CSMD2: variants seen among roughly 807,000 people sequenced by gnomAD.
The protein encoded by CSMD2 is CUB and Sushi multiple domains 2, also known as CUB and sushi domain-containing protein 2.
CSMD2 carries 130 observed loss-of-function variants against 398.5 expected under a neutral mutation model. That is an observed-to-expected ratio of 0.33 (90% CI 0.28 to 0.38). CSMD2 has a LOEUF of 0.38. CSMD2 is among the 10% of genes least tolerant of loss of function. The pLI is 1.00. For missense variants in CSMD2, 3,829 were observed against 4,764.9 expected (o/e 0.80, Z 5.78); for synonymous variants, 1,828 against 1,908.5 (o/e 0.96, Z 1.10).
chr1:33,550,252 G>A lies in CSMD2; in HGVS notation c.8842C>T (p.Arg2948Cys). Residue 2948 changes from arginine to cysteine, a missense_variant, in exon 56 of 71, where the codon CGT (arginine) becomes TGT (cysteine). This residue lies in a region of CSMD2 where 917 missense variants were observed against 1,199.5 expected (regional missense o/e 0.76). Coordinates refer to ENST00000373381, the MANE Select transcript of CSMD2 (RefSeq NM_001281956.2). Reference sequence around the variant, plus strand: ...CGGGTGCTGTTTCCCACCAGAGTACGCTTGCCGATGCAGCTGTACCGCACC... The same window carrying A: ...CGGGTGCTGTTTCCCACCAGAGTACACTTGCCGATGCAGCTGTACCGCACC... ...AVVRYSCIGK[R>C]TLVGNSTRMC... 8 of 1,614,214 alleles carry A rather than the reference G, an allele frequency of 5.0e-6. No homozygotes were observed. The highest frequency in any genetic ancestry group is 6.8e-6 in the Non-Finnish European group (8 of 1,180,044).
intron 5 of CSMD2, among the ~76,000 whole-genome samples, chr1:33,908,862 G>A (rs530004633): frequency 2.3e-4 from 35 of 152,224 alleles, no homozygotes; most frequent in Non-Finnish European, 1.3e-4. Context: ...TACAGGAGAC[G>A]AGATTTTAAA....
At chr1:33,801,606 G>C (rs1326108729) in intron 10 of CSMD2, among the ~76,000 whole-genome samples, 1 of 152,222 alleles carries the variant, frequency 6.6e-6, no homozygotes, top group Non-Finnish European at 1.5e-5. Flanking sequence ...TGCTATTCCT[G>C]CTTTCAGGAT....
intron 5 of CSMD2, among the ~76,000 whole-genome samples, chr1:33,874,111 G>A (rs1029759207): frequency 6.6e-6 from 1 of 152,186 alleles, no homozygotes; most frequent in Non-Finnish European, 1.5e-5. Context: ...GCAACTGTTT[G>A]TCCCCTCAAC....
At position 33,846,895 on chromosome 1, in the gene CSMD2, G is replaced by A; in HGVS notation, c.1022C>T (p.Ala341Val). 6.2e-7 allele frequency: 1 copy of A among 1,600,734 alleles called. No homozygotes were observed. The highest frequency in any genetic ancestry group is 8.5e-7 in the Non-Finnish European group (1 of 1,172,560). ...TGGGACCTGCCTACCTTGGTATTGGGCACTGAATCCGCGCTGCCGGTGGTT... is the reference window on the plus strand; with the variant it reads ...TGGGACCTGCCTACCTTGGTATTGGACACTGAATCCGCGCTGCCGGTGGTT... ...DGNHRQRGFS[A>V]QYQVKKQIEL... The change falls in exon 6 of 71, where the codon GCC becomes GTC. Residue 341 changes from alanine (A) to valine (V), a missense_variant. Ala to Val is a moderately conservative substitution (Grantham distance 64). Transcript: ENST00000373381.
intron 55 of CSMD2, among the ~76,000 whole-genome samples, chr1:33,556,634 T>G (rs1658002003): frequency 6.6e-6 from 1 of 152,126 alleles, no homozygotes; most frequent in Admixed American, 6.5e-5. Context: ...AGGGACCAGA[T>G]GTCAGGTGAT....
At chr1:33,638,069 G>T (rs1428079167) in intron 29 of CSMD2, among the ~76,000 whole-genome samples, 1 of 152,124 alleles carries the variant, frequency 6.6e-6, no homozygotes, top group Non-Finnish European at 1.5e-5. Flanking sequence ...GTCGTTGCCC[G>T]CAGCTGAGAG....
chr1:34,093,527 G>C (rs934039014), intron 1 of CSMD2, among the ~76,000 whole-genome samples: 7 of 151,972 alleles, frequency 4.6e-5, no homozygotes, highest in African/African-American at 1.5e-4. Flanking sequence ...TTAGAAGAAT[G>C]TATAACTAGA....
Position 33,605,387 on chromosome 1 carries a change from C to G in CSMD2, c.6427G>C (p.Val2143Leu), listed in dbSNP as rs986288314. The G allele has an allele frequency of 4.3e-6, 7 of 1,614,234 alleles. No individual in the cohort carries two copies. The highest frequency in any genetic ancestry group is 5.9e-6 in the Non-Finnish European group (7 of 1,180,038). ...TACCCCGGGAGGCACTCGAAGGTCA[C>G]TGATTGTCCCACGTTGTAGCCAGCT... ...RGAGYNVGQS[V>L]TFECLPGYQL... is the part of the protein sequence containing the mutation. The change falls in exon 42 of 71, where the codon GTG becomes CTG. Residue 2143 changes from valine to leucine, a missense_variant. By Grantham distance (32) the Val-to-Leu change is conservative (BLOSUM62 1). Transcript: ENST00000373381.
intron 25 of CSMD2, among the ~76,000 whole-genome samples, chr1:33,687,916 C>T (rs891431796): frequency 6.6e-6 from 1 of 152,150 alleles, no homozygotes; most frequent in African/African-American, 2.4e-5. Context: ...ACAGCAAAGA[C>T]AATTAAATAT....
chr1:34,048,218 T>C (rs1652767155), intron 2 of CSMD2, among the ~76,000 whole-genome samples: 2 of 152,164 alleles, frequency 1.3e-5, no homozygotes, highest in Admixed American at 6.5e-5. Flanking sequence ...AATGATGATG[T>C]TTGTTATTAA....
At chr1:34,073,921 G>A (rs925414858) in intron 2 of CSMD2, among the ~76,000 whole-genome samples, 1 of 152,212 alleles carries the variant, frequency 6.6e-6, no homozygotes, top group South Asian at 2.1e-4. Flanking sequence ...GAGGCCTCAG[G>A]AAACTTACAA....
chr1:33,625,164 A>G lies in CSMD2; in HGVS notation c.5387T>C (p.Ile1796Thr), dbSNP rs898590542. Residue 1796 changes from isoleucine to threonine, a missense_variant, in exon 34 of 71, where the codon ATC becomes ACC. By Grantham distance (89) the Ile-to-Thr change is moderately conservative. Transcript: ENST00000373381. ...RLGSDFSVGAIVRFECNSGYA... is the reference protein window; with the variant it reads ...RLGSDFSVGATVRFECNSGYA... ...GCCGGAGTTGCATTCGAAGCGGACG[A>G]TGGCCCCCACCGAGAAGTCACTGCC... 1 of 1,611,622 alleles carries G rather than the reference A, an allele frequency of 6.2e-7. No homozygotes were observed. The highest frequency in any genetic ancestry group is 1.1e-5 in the South Asian group (1 of 90,964).
chr1:33,851,222 A>T (rs1374876244), intron 5 of CSMD2, among the ~76,000 whole-genome samples: 1 of 152,160 alleles, frequency 6.6e-6, no homozygotes, highest in East Asian at 1.9e-4. Flanking sequence ...AGATATAGGG[A>T]GTCCCTGAAA....
At chr1:33,592,671 C>T (rs1340075743) in intron 44 of CSMD2, among the ~76,000 whole-genome samples, 8 of 152,128 alleles carry the variant, frequency 5.3e-5, no homozygotes, top group Non-Finnish European at 8.8e-5. Flanking sequence ...TCATGACGGC[C>T]GGGCGCGGTG....
intron 24 of CSMD2, among the ~76,000 whole-genome samples, chr1:33,696,120 CAAAT>C (rs753021114): frequency 2.0e-5 from 3 of 152,140 alleles, no homozygotes; most frequent in Non-Finnish European, 2.9e-5. Flanking sequence ...GCTGGACAAT[CAAAT>C]GAATGGAAGC....
chr1:33,601,036 CAT>C, intron 43 of CSMD2, 26 bp from the exon 44 acceptor site: 2 of 1,613,416 alleles, frequency 1.2e-6, no homozygotes, highest in East Asian at 4.5e-5. Context: ...AAGGTCCTGG[CAT>C]GTCACTAGTC....
At chr1:33,644,542 C>T (rs551465673) in intron 29 of CSMD2, among the ~76,000 whole-genome samples, 21 of 152,230 alleles carry the variant, frequency 1.4e-4, no homozygotes, top group East Asian at 9.7e-4. Context: ...CTAAGTATCA[C>T]GTTTGTGCAG....
chr1:33,685,216 A>G (rs1009851174), intron 25 of CSMD2, among the ~76,000 whole-genome samples: 7 of 152,240 alleles, frequency 4.6e-5, no homozygotes, highest in Non-Finnish European at 8.8e-5. Flanking sequence ...TCAGGATGGC[A>G]GACCAAGAAG....
chr1:34,140,899 C>T (rs1349518385), intron 1 of CSMD2, among the ~76,000 whole-genome samples: 1 of 152,102 alleles, frequency 6.6e-6, no homozygotes, highest in African/African-American at 2.4e-5. Flanking sequence ...AATCACTTCC[C>T]ACTGAACAGC....
Sources: allele counts gnomAD v4.1 joint callset (sites outside exome capture counted in the v4.1 genomes callset), GRCh38; gene constraint gnomAD v4.1.1; regional missense constraint gnomAD v4.1.1; transcripts MANE v1.5; gene names NCBI Gene and HGNC (gene_info 2026-07-23, HGNC 2026-07-21).